XKR9: variants seen among roughly 807,000 people sequenced by gnomAD.
XKR9 encodes the protein XK related 9.
Under a neutral mutation model 32.0 loss-of-function variants are expected in XKR9, and 32 were observed. That is an observed-to-expected ratio of 1.00 (90% CI 0.76 to 1.34). XKR9 has a LOEUF of 1.34. Ranked by LOEUF, XKR9 falls within the 40% of genes most tolerant of loss-of-function variation. The pLI is 0.00. For missense variants in XKR9, 546 were observed against 429.7 expected, an observed-to-expected ratio of 1.27 and a Z score of -2.39; for synonymous variants, 168 against 143.4, an observed-to-expected ratio of 1.17 and a Z score of -1.22.
At chr8:70,988,073 C>A in the XKR9 span, among the ~76,000 whole-genome samples, 1 of 152,136 alleles carries the variant, frequency 6.6e-6, no homozygotes. Flanking sequence ...GACCCTGGGC[C>A]TGGTCAATGA....
chr8:70,958,927 G>T, the XKR9 span, among the ~76,000 whole-genome samples: 1 of 151,840 alleles, frequency 6.6e-6, no homozygotes, highest in Non-Finnish European at 1.5e-5. Flanking sequence ...TATATAATTT[G>T]TGTGTATATA....
At chr8:70,793,061 G>T (rs1807784256), downstream of XKR9, among the ~76,000 whole-genome samples, 1 of 152,088 alleles carries the variant, frequency 6.6e-6, no homozygotes, top group Non-Finnish European at 1.5e-5. Flanking sequence ...TTTAGTGTAA[G>T]CTCTTCTGTT....
chr8:70,986,984 C>T, the XKR9 span, among the ~76,000 whole-genome samples: 1 of 152,176 alleles, frequency 6.6e-6, no homozygotes, highest in Non-Finnish European at 1.5e-5. Flanking sequence ...GACGAAGATG[C>T]AAAATTAGAA....
chr8:70,776,007 A>C (rs1807514840), intron 2 of XKR9, among the ~76,000 whole-genome samples: 1 of 151,930 alleles, frequency 6.6e-6, no homozygotes, highest in Non-Finnish European at 1.5e-5. Flanking sequence ...CAGCCTCCCA[A>C]ATTGCTGGGA....
rs1806838451 is a variant in XKR9, at chr8:70,735,573, A to G, written c.*1149A>G. On this transcript the variant is annotated 3_prime_UTR_variant, in exon 5 of 5. Transcript: ENST00000408926. Reference sequence around the variant, plus strand: ...GGTGTGCTGCACCCATTAACTCGTCATTTATCATTAGGTATATCTCCTAAA... The same window carrying G: ...GGTGTGCTGCACCCATTAACTCGTCGTTTATCATTAGGTATATCTCCTAAA... The G allele has an allele frequency of 6.7e-6, 1 of 149,146 alleles. No individual in the cohort carries two copies. The highest frequency in any genetic ancestry group is 1.5e-5 in the Non-Finnish European group (1 of 67,320). The allele number at this position is 149,146 out of a possible 1,614,324, so 9.2% of individuals were successfully genotyped here. A position where few individuals can be genotyped will look rare whatever the true frequency, so the allele number is the denominator to read the frequency against.
the XKR9 span, among the ~76,000 whole-genome samples, chr8:70,990,766 AGAAAG>A: frequency 6.7e-6 from 1 of 149,798 alleles, no homozygotes; most frequent in African/African-American, 2.5e-5. Context: ...AGAGAGAGAG[AGAAAG>A]AGAGAGAGAG....
chr8:70,755,169 G>T (rs1807201906), intron 2 of XKR9, among the ~76,000 whole-genome samples: 1 of 152,234 alleles, frequency 6.6e-6, no homozygotes, highest in Non-Finnish European at 1.5e-5. Flanking sequence ...TGCTCGTCAT[G>T]ACTGGCCGTC....
chr8:70,939,373 C>T, the XKR9 span, among the ~76,000 whole-genome samples: 1 of 152,054 alleles, frequency 6.6e-6, no homozygotes, highest in Non-Finnish European at 1.5e-5. Flanking sequence ...TTGTTTTGTA[C>T]ATGAGTAGCA....
chr8:71,061,047 C>G, the XKR9 span, among the ~76,000 whole-genome samples: 1 of 152,170 alleles, frequency 6.6e-6, no homozygotes, highest in Non-Finnish European at 1.5e-5. Context: ...AGAATCATCC[C>G]ATGAGGTAGG....
At chr8:70,976,920 T>C in the XKR9 span, among the ~76,000 whole-genome samples, 2 of 152,206 alleles carry the variant, frequency 1.3e-5, no homozygotes, top group Non-Finnish European at 2.9e-5. Flanking sequence ...TATTCAGGGA[T>C]TCAACTTCTT....
At chr8:70,983,897 T>G in the XKR9 span, among the ~76,000 whole-genome samples, 1 of 150,094 alleles carries the variant, frequency 6.7e-6, no homozygotes, top group Non-Finnish European at 1.5e-5. Flanking sequence ...GAAGCGAATG[T>G]AATTTCTAGC....
the XKR9 span, among the ~76,000 whole-genome samples, chr8:70,969,858 CA>C: frequency 6.6e-6 from 1 of 152,110 alleles, no homozygotes; most frequent in African/African-American, 2.4e-5. Context: ...ATCACCCGAG[CA>C]ATATACACTA....
chr8:70,905,173 G>C, the XKR9 span, among the ~76,000 whole-genome samples: 10 of 152,132 alleles, frequency 6.6e-5, no homozygotes, highest in Non-Finnish European at 1.0e-4. Context: ...TGCCTGCCTT[G>C]CTAGGTTGGG....
the XKR9 span, among the ~76,000 whole-genome samples, chr8:71,018,774 T>C: frequency 1.3e-5 from 2 of 152,166 alleles, no homozygotes; most frequent in African/African-American, 4.8e-5. Flanking sequence ...CTTTCTGAAT[T>C]AAAAAAACTT....
the XKR9 span, among the ~76,000 whole-genome samples, chr8:71,013,461 G>A: frequency 1.4e-4 from 21 of 152,302 alleles, no homozygotes; most frequent in East Asian, 3.3e-3. Context: ...GCCCCACAGT[G>A]GGGAAGATGC....
At chr8:70,710,997 A>G (rs1284338739) in intron 4 of XKR9, among the ~76,000 whole-genome samples, 4 of 152,202 alleles carry the variant, frequency 2.6e-5, no homozygotes, top group African/African-American at 9.6e-5. Context: ...TCAGAAGAAG[A>G]CATACCTGCA....
the XKR9 span, among the ~76,000 whole-genome samples, chr8:70,970,517 G>A: frequency 5.9e-5 from 9 of 151,954 alleles, no homozygotes; most frequent in African/African-American, 2.2e-4. Flanking sequence ...CCCTCCCTAT[G>A]TCCATGTGTT....
chr8:70,822,004 A>G, the XKR9 span, among the ~76,000 whole-genome samples: 24 of 152,246 alleles, frequency 1.6e-4, no homozygotes, highest in East Asian at 1.7e-3. Context: ...TTTCTATTGC[A>G]TCTTGAGGCT....
At chr8:70,807,923 T>A in the XKR9 span, among the ~76,000 whole-genome samples, 2 of 152,180 alleles carry the variant, frequency 1.3e-5, no homozygotes, top group Admixed American at 6.5e-5. Flanking sequence ...CTAATAGACA[T>A]CTACAGAACT....
Sources: allele counts gnomAD v4.1 joint callset (sites outside exome capture counted in the v4.1 genomes callset), GRCh38; gene constraint gnomAD v4.1.1; transcripts MANE v1.5; gene names NCBI Gene and HGNC (gene_info 2026-07-23, HGNC 2026-07-21).